The following ENOX1 variants were observed in gnomAD, a reference collection of about 807,000 sequenced individuals.
The protein encoded by ENOX1 is ecto-NOX disulfide-thiol exchanger 1.
In ENOX1, 42 loss-of-function variants were observed where a neutral mutation model predicts 82.5. The observed-to-expected ratio is 0.51, with a 90% confidence interval of 0.40 to 0.66. The LOEUF (loss-of-function observed/expected upper bound fraction) is 0.66, where lower values mean the gene tolerates loss of function less well. Ranked by LOEUF, ENOX1 falls within the 30% of genes least tolerant of loss-of-function variation. The pLI is 0.00. For missense variants in ENOX1, 608 were observed against 811.6 expected (o/e 0.75, Z 3.05); for synonymous variants, 271 against 282.2 (o/e 0.96, Z 0.40).
intron 2 of ENOX1, among the ~76,000 whole-genome samples, chr13:43,613,427 G>A (rs1056232975): frequency 1.3e-5 from 2 of 152,138 alleles, no homozygotes; most frequent in Admixed American, 6.5e-5. Flanking sequence ...CACTTTAAAT[G>A]AGTGAATTTT....
At chr13:43,512,191 A>G (rs1445418784) in intron 2 of ENOX1, among the ~76,000 whole-genome samples, 1 of 152,136 alleles carries the variant, frequency 6.6e-6, no homozygotes, top group Non-Finnish European at 1.5e-5. Flanking sequence ...ATTACATGAG[A>G]GTTGTCCCGG....
At chr13:43,591,217 T>TA (rs1396104035) in intron 2 of ENOX1, among the ~76,000 whole-genome samples, 3 of 152,056 alleles carry the variant, frequency 2.0e-5, no homozygotes, top group African/African-American at 7.2e-5. Context: ...AAAATAAAAA[T>TA]AAAAAACCCA....
chr13:43,739,161 C>T (rs773262401), intron 1 of ENOX1, among the ~76,000 whole-genome samples: 2 of 152,078 alleles, frequency 1.3e-5, no homozygotes, highest in Admixed American at 6.6e-5. Flanking sequence ...TACTATGTAC[C>T]GGCATTTTTC....
At chr13:43,275,388 C>G (rs1005836374) in intron 12 of ENOX1, among the ~76,000 whole-genome samples, 8 of 152,136 alleles carry the variant, frequency 5.3e-5, no homozygotes, top group Non-Finnish European at 1.0e-4. Flanking sequence ...TGAAATACAT[C>G]AGCCACATCT....
At position 43,525,263 on chromosome 13, in the gene ENOX1, C is replaced by T. The variant is rs2077939453; in HGVS notation, c.-218-41111G>A. ...TCCACATCCATGAGACAATAACTCCCCATTCTTCCTTCTCTAGCCCCTGGC... is the reference window on the plus strand; with the variant it reads ...TCCACATCCATGAGACAATAACTCCTCATTCTTCCTTCTCTAGCCCCTGGC... On this transcript the variant is annotated intron_variant, in intron 2 of 16. Coordinates refer to ENST00000690772, the MANE Select transcript of ENOX1 (RefSeq NM_001347969.2). Among the ~76,000 whole-genome samples the T allele has an allele frequency of 3.3e-5, 5 of 152,216 alleles. No homozygotes were observed. In the South Asian group the frequency reaches 1.0e-3, roughly 32 times the overall value.
At chr13:43,258,661 T>C (rs1040366425) in intron 14 of ENOX1, among the ~76,000 whole-genome samples, 16 of 152,244 alleles carry the variant, frequency 1.1e-4, no homozygotes, top group Admixed American at 1.0e-3. Context: ...TCTACAGATA[T>C]GGGCCCATCC....
At chr13:43,253,133 C>A (rs184241209) in intron 14 of ENOX1, among the ~76,000 whole-genome samples, 1 of 152,116 alleles carries the variant, frequency 6.6e-6, no homozygotes, top group Non-Finnish European at 1.5e-5. Context: ...ACCTTTGATG[C>A]AAGCAGATTT....
At chr13:43,225,591 T>C (rs540954353) in intron 15 of ENOX1, among the ~76,000 whole-genome samples, 5 of 152,218 alleles carry the variant, frequency 3.3e-5, no homozygotes, top group Non-Finnish European at 7.3e-5. Context: ...GCCATCTGGG[T>C]GGGCACAGGT....
At chr13:43,336,295 C>G (rs935032173) in intron 9 of ENOX1, among the ~76,000 whole-genome samples, 4 of 152,344 alleles carry the variant, frequency 2.6e-5, no homozygotes, top group South Asian at 2.1e-4. Flanking sequence ...TCACAGTACA[C>G]AGAGATCAGA....
chr13:43,465,465 T>A (rs1206922199), intron 3 of ENOX1, among the ~76,000 whole-genome samples: 1 of 152,106 alleles, frequency 6.6e-6, no homozygotes, highest in Non-Finnish European at 1.5e-5. Context: ...TTTTAGGGCA[T>A]ACCATGTGCT....
chr13:43,629,891 C>A (rs1297989192), intron 2 of ENOX1, among the ~76,000 whole-genome samples: 1 of 152,188 alleles, frequency 6.6e-6, no homozygotes, highest in Non-Finnish European at 1.5e-5. Flanking sequence ...CTGCCTCCCA[C>A]CTAGCCCTAG....
intron 1 of ENOX1, among the ~76,000 whole-genome samples, chr13:43,678,229 A>G (rs1488915809): frequency 2.0e-5 from 3 of 152,318 alleles, no homozygotes; most frequent in Admixed American, 6.5e-5. Flanking sequence ...TAAATGACTT[A>G]ATTTTGAATT....
At chr13:43,519,540 C>A (rs564840985) in intron 2 of ENOX1, among the ~76,000 whole-genome samples, 1 of 152,226 alleles carries the variant, frequency 6.6e-6, no homozygotes, top group East Asian at 1.9e-4. Context: ...AAGGATCCAC[C>A]CTTAGCTAGC....
At chr13:43,715,283 G>A (rs1426762833) in intron 1 of ENOX1, among the ~76,000 whole-genome samples, 1 of 152,186 alleles carries the variant, frequency 6.6e-6, no homozygotes, top group Non-Finnish European at 1.5e-5. Context: ...GAGATCCGCT[G>A]TTAGTCTGAT....
At chr13:43,247,868 TATA>T (rs2043203953) in intron 14 of ENOX1, among the ~76,000 whole-genome samples, 4 of 2,406 alleles carry the variant, frequency 1.7e-3, no homozygotes, top group Non-Finnish European at 2.5e-3. Flanking sequence ...TATATATATA[TATA>T]TATATATATA....
chr13:43,618,382 A>G (rs1157867812), intron 2 of ENOX1, among the ~76,000 whole-genome samples: 1 of 152,194 alleles, frequency 6.6e-6, no homozygotes, highest in Non-Finnish European at 1.5e-5. Context: ...TTCAGGTATC[A>G]GGTTTAAGTC....
intron 1 of ENOX1, among the ~76,000 whole-genome samples, chr13:43,696,955 A>T (rs2086671088): frequency 6.6e-6 from 1 of 152,174 alleles, no homozygotes; most frequent in Non-Finnish European, 1.5e-5. Context: ...CAACTGTATA[A>T]AGAAAGGCAC....
intron 3 of ENOX1, among the ~76,000 whole-genome samples, chr13:43,482,685 A>G (rs1395597755): frequency 6.6e-6 from 1 of 151,724 alleles, no homozygotes; most frequent in South Asian, 2.1e-4. Flanking sequence ...AGGAAATTGG[A>G]TCCCTGGGTA....
intron 1 of ENOX1, among the ~76,000 whole-genome samples, chr13:43,751,653 G>A (rs1280158441): frequency 1.3e-5 from 2 of 152,014 alleles, no homozygotes; most frequent in Admixed American, 1.3e-4. Context: ...TTTTTGCCTT[G>A]CTTCTTTCAC....
Sources: gnomAD v4.1 joint callset for allele counts (sites outside exome capture counted in the v4.1 genomes callset) on GRCh38, gnomAD v4.1.1 for gene constraint, MANE v1.5 for transcripts, NCBI Gene and HGNC (gene_info 2026-07-23, HGNC 2026-07-21) for gene names.